PTPRT: variants seen among roughly 807,000 people sequenced by gnomAD.
The protein encoded by PTPRT is protein tyrosine phosphatase receptor type T, also known as receptor-type tyrosine-protein phosphatase T.
Under a neutral mutation model 176.8 loss-of-function variants are expected in PTPRT, and 56 were observed. The ratio of observed to expected loss-of-function variants is 0.32; its 90% CI spans 0.26 to 0.40. PTPRT has a LOEUF of 0.40. PTPRT is among the 10% of genes least tolerant of loss of function. The pLI is 1.00. For synonymous variants in PTPRT, 783 were observed against 739.0 expected, an observed-to-expected ratio of 1.06 and a Z score of -0.96; for missense variants, 1,540 against 1,908.2, an observed-to-expected ratio of 0.81 and a Z score of 3.60.
intron 9 of PTPRT, among the ~76,000 whole-genome samples, chr20:42,378,827 G>A (rs1439737592): frequency 6.6e-6 from 1 of 152,198 alleles, no homozygotes; most frequent in East Asian, 1.9e-4. Context: ...ACAGGATTTT[G>A]AAATGATTAA....
At chr20:42,617,034 C>A (rs1477051345) in intron 7 of PTPRT, among the ~76,000 whole-genome samples, 5 of 130,866 alleles carry the variant, frequency 3.8e-5, no homozygotes, top group Admixed American at 3.7e-4. Flanking sequence ...CAAGGGAATG[C>A]TTCCAGTTTT....
intron 8 of PTPRT, among the ~76,000 whole-genome samples, chr20:42,456,458 T>C (rs2070927026): frequency 6.6e-6 from 1 of 152,092 alleles, no homozygotes; most frequent in South Asian, 2.1e-4. Context: ...AATGATGATA[T>C]TGTTTCATCT....
At chr20:42,632,116 G>A (rs1053646373) in intron 7 of PTPRT, among the ~76,000 whole-genome samples, 14 of 152,132 alleles carry the variant, frequency 9.2e-5, no homozygotes, top group Non-Finnish European at 2.1e-4. Flanking sequence ...GCTCAGGTGA[G>A]CTTCCTTGTT....
At chr20:43,027,235 T>C (rs1010385735) in intron 1 of PTPRT, among the ~76,000 whole-genome samples, 9 of 152,104 alleles carry the variant, frequency 5.9e-5, no homozygotes, top group Admixed American at 2.0e-4. Flanking sequence ...CCCAGCACTT[T>C]GGGAGGCAGA....
At chr20:42,601,224 T>C (rs1459907400) in intron 7 of PTPRT, among the ~76,000 whole-genome samples, 1 of 152,192 alleles carries the variant, frequency 6.6e-6, no homozygotes, top group African/African-American at 2.4e-5. Context: ...AGAATGAAAT[T>C]TGAGGGTCAC....
chr20:42,826,635 G>C (rs1342522767), intron 2 of PTPRT, among the ~76,000 whole-genome samples: 2 of 152,170 alleles, frequency 1.3e-5, no homozygotes, highest in Non-Finnish European at 2.9e-5. Flanking sequence ...ACACGATAAA[G>C]CAACCACACA....
At chr20:42,688,460 A>G (rs1600611462) in intron 6 of PTPRT, 3 of 152,062 alleles carry the variant, frequency 2.0e-5, no homozygotes. Context: ...TGTGGTCACC[A>G]CTTCCTGCCA....
chr20:42,666,356 TTTCA>T (rs2075317028), intron 7 of PTPRT, among the ~76,000 whole-genome samples: 1 of 151,348 alleles, frequency 6.6e-6, no homozygotes, highest in Non-Finnish European at 1.5e-5. Flanking sequence ...AAAAATATAC[TTTCA>T]TTCATGCATC....
At chr20:42,303,798 T>G (rs948211209) in intron 12 of PTPRT, among the ~76,000 whole-genome samples, 1 of 152,066 alleles carries the variant, frequency 6.6e-6, no homozygotes, top group Non-Finnish European at 1.5e-5. Flanking sequence ...GTGCATGGAT[T>G]AGAGAGAGCT....
At chr20:43,092,161 C>T (rs1363989381) in intron 1 of PTPRT, among the ~76,000 whole-genome samples, 1 of 152,294 alleles carries the variant, frequency 6.6e-6, no homozygotes, top group Admixed American at 6.5e-5. Flanking sequence ...AAGAGTGGAA[C>T]AGCAAAGGAG....
At chr20:42,539,043 C>A (rs1258578690) in intron 7 of PTPRT, among the ~76,000 whole-genome samples, 1 of 152,128 alleles carries the variant, frequency 6.6e-6, no homozygotes, top group Non-Finnish European at 1.5e-5. Flanking sequence ...GTTGGACCAC[C>A]GTGTGTACAC....
chr20:42,577,351 G>C (rs1271552306), intron 7 of PTPRT, among the ~76,000 whole-genome samples: 1 of 152,136 alleles, frequency 6.6e-6, no homozygotes, highest in Non-Finnish European at 1.5e-5. Context: ...AACCTGGTGG[G>C]AGGGATACAT....
intron 3 of PTPRT, among the ~76,000 whole-genome samples, chr20:42,781,994 T>C (rs2145504501): frequency 6.6e-6 from 1 of 152,308 alleles, no homozygotes; most frequent in Admixed American, 6.5e-5. Flanking sequence ...TGAGTGATTT[T>C]TTAGATTAAG....
chr20:42,160,705 C>G (rs570816898), intron 17 of PTPRT, among the ~76,000 whole-genome samples: 1 of 152,210 alleles, frequency 6.6e-6, no homozygotes, highest in Admixed American at 6.5e-5. Flanking sequence ...CAGTCCTTCT[C>G]TATTATTCCC....
chr20:42,188,558 A>G (rs1253871620), intron 16 of PTPRT, among the ~76,000 whole-genome samples: 1 of 152,134 alleles, frequency 6.6e-6, no homozygotes, highest in Non-Finnish European at 1.5e-5. Flanking sequence ...ATTACTCACA[A>G]AATGTTAGCT....
chr20:42,503,260 A>T (rs1481826566), intron 7 of PTPRT, among the ~76,000 whole-genome samples: 7 of 152,088 alleles, frequency 4.6e-5, no homozygotes, highest in African/African-American at 1.7e-4. Flanking sequence ...CCGTAATATG[A>T]TTGCTTAAAT....
chr20:43,014,013 C>G (rs1017464525), intron 1 of PTPRT, among the ~76,000 whole-genome samples: 7 of 152,306 alleles, frequency 4.6e-5, no homozygotes, highest in Middle Eastern at 3.4e-3. Flanking sequence ...AGAAAATACT[C>G]AACACATACT....
intron 1 of PTPRT, among the ~76,000 whole-genome samples, chr20:43,097,530 G>A (rs2012219528): frequency 6.6e-6 from 1 of 152,182 alleles, no homozygotes; most frequent in Non-Finnish European, 1.5e-5. Context: ...GTGATAAAAT[G>A]CCATGATGGT....
chr20:42,859,886 C>G (rs1220226950), intron 2 of PTPRT, among the ~76,000 whole-genome samples: 1 of 151,986 alleles, frequency 6.6e-6, no homozygotes. Context: ...GCCACCGTGC[C>G]CAGCCAGTTT....
Sources: allele counts gnomAD v4.1 joint callset (sites outside exome capture counted in the v4.1 genomes callset), GRCh38; gene constraint gnomAD v4.1.1; transcripts MANE v1.5; gene names NCBI Gene and HGNC (gene_info 2026-07-23, HGNC 2026-07-21).